Variants in PLCH1 observed in about 807,000 individuals in gnomAD.
PLCH1 encodes the protein phospholipase C eta 1.
Under a neutral mutation model 126.7 loss-of-function variants are expected in PLCH1, and 60 were observed. The ratio of observed to expected loss-of-function variants is 0.47; its 90% CI spans 0.38 to 0.59. The LOEUF (loss-of-function observed/expected upper bound fraction) is 0.59, where lower values mean the gene tolerates loss of function less well. Ranked by LOEUF, PLCH1 falls within the 20% of genes least tolerant of loss-of-function variation. The probability of loss-of-function intolerance (pLI) is 0.00; values close to 1 mark genes in which losing one functional copy is unlikely to be tolerated. For missense variants in PLCH1, 1,723 were observed against 2,040.0 expected (o/e 0.84, Z 2.99); for synonymous variants, 719 against 734.9 (o/e 0.98, Z 0.35).
At position 155,564,987 on chromosome 3, in the gene PLCH1, C is replaced by G. The variant is rs762013327; in HGVS notation, c.997G>C (p.Asp333His). Residue 333 changes from aspartate (D) to histidine (H), a missense_variant, in exon 8 of 23, where the codon GAC (aspartate) becomes CAC (histidine). By Grantham distance (81) the Asp-to-His change is moderately conservative. Coordinates refer to ENST00000460012, the MANE Select transcript of PLCH1 (RefSeq NM_014996.4). ...ASSHNTYLTG[D>H]QLLSQSKVDM... ...ACTTTGGACTGAGAAAGGAGCTGGT[C>G]TCCAGTCAGGTATGTATTGTGAGAG... 6 of 1,613,898 alleles carry G rather than the reference C, an allele frequency of 3.7e-6. No individual in the cohort carries two copies. Among genetic ancestry groups the G allele is most frequent in the Non-Finnish European group, 5.1e-6 (6 of 1,179,802 alleles).
At position 155,481,545 on chromosome 3, in the gene PLCH1, T is replaced by A; in HGVS notation, c.4481A>T (p.Asp1494Val). Residue 1494 changes from aspartate to valine, a missense_variant, in exon 23 of 23, where the codon GAC becomes GTC. Around this residue, in one of 2 missense-constraint regions of PLCH1, gnomAD observed 947 missense variants for 977.1 expected, o/e 0.97. Transcript: ENST00000460012. This position sits in a 1 kb window ranked among gnomAD's most constrained non-coding sequence, Gnocchi z 4.2. ...CTTGCTCTCAAAATTGCAGGCAATGTCCTCTGATGTTAAGTCCCCCAGACT... is the reference window on the plus strand; with the variant it reads ...CTTGCTCTCAAAATTGCAGGCAATGACCTCTGATGTTAAGTCCCCCAGACT... ...SKSLGDLTSE[D>V]IACNFESKYQ... is the part of the protein sequence containing the mutation. 6.2e-7 allele frequency: 1 copy of A among 1,614,178 alleles called. No homozygotes were observed. The highest frequency in any genetic ancestry group is 8.5e-7 in the Non-Finnish European group (1 of 1,180,028).
chr3:155,580,539 T>C (rs1730534637), intron 6 of PLCH1, among the ~76,000 whole-genome samples: 1 of 152,124 alleles, frequency 6.6e-6, no homozygotes. Flanking sequence ...AAGAGTAACA[T>C]AATTTTCCAG....
At chr3:155,636,063 C>T (rs1306096528) in intron 2 of PLCH1, among the ~76,000 whole-genome samples, 4 of 152,128 alleles carry the variant, frequency 2.6e-5, no homozygotes, top group Non-Finnish European at 5.9e-5. Context: ...ATCATTTCAT[C>T]GTATCTTTTT....
chr3:155,580,809 G>A (rs1008662782), intron 6 of PLCH1, among the ~76,000 whole-genome samples: 2 of 151,922 alleles, frequency 1.3e-5, no homozygotes, highest in Non-Finnish European at 2.9e-5. Context: ...TCCAGCAAAC[G>A]TTAAAAAGCA....
downstream of PLCH1, among the ~76,000 whole-genome samples, chr3:155,476,115 A>G (rs902160902): frequency 6.6e-6 from 1 of 152,176 alleles, no homozygotes; most frequent in Non-Finnish European, 1.5e-5. Flanking sequence ...ATTCATTATG[A>G]CTAAGTGGGA....
chr3:155,743,391 G>A, intron 1 of PLCH1: 1 of 383,060 alleles, frequency 2.6e-6, no homozygotes, highest in South Asian at 2.0e-5. Context: ...AAATAGCTGG[G>A]CGTGGTGGCG....
At chr3:155,669,450 C>T (rs938407184) in intron 2 of PLCH1, among the ~76,000 whole-genome samples, 1 of 152,046 alleles carries the variant, frequency 6.6e-6, no homozygotes, top group Non-Finnish European at 1.5e-5. Flanking sequence ...TGGTGGCATG[C>T]ACCTGTAGTC....
At chr3:155,733,149 A>T (rs1477423260) in intron 1 of PLCH1, among the ~76,000 whole-genome samples, 1 of 152,198 alleles carries the variant, frequency 6.6e-6, no homozygotes, top group Non-Finnish European at 1.5e-5. Context: ...AAAGCAATCT[A>T]CATATTCAAT....
intron 2 of PLCH1, among the ~76,000 whole-genome samples, chr3:155,605,097 T>C (rs979577760): frequency 6.6e-6 from 1 of 152,238 alleles, no homozygotes; most frequent in Non-Finnish European, 1.5e-5. Flanking sequence ...AAAAACTGAA[T>C]GAGGTTTCCC....
intron 4 of PLCH1, among the ~76,000 whole-genome samples, chr3:155,591,200 G>C (rs999179292): frequency 2.6e-5 from 4 of 152,180 alleles, no homozygotes; most frequent in African/African-American, 9.7e-5. Flanking sequence ...ACTGGATGAG[G>C]CTAGAAGCTT....
chr3:155,482,352 C>T lies in PLCH1; in HGVS notation c.3674G>A (p.Gly1225Asp), dbSNP rs200047013. The stretch of plus-strand genomic sequence containing the variant: ...ACCATGCTTGATGGGCATTTTTAGG[C>T]CCAGGCTAGGCAAGGGACAATGGCC... ...MSGHCPLPSL[G>D]LKMPIKHGFC... is the part of the protein sequence containing the mutation. Residue 1225 changes from glycine (G) to aspartate (D), a missense_variant, in exon 23 of 23, where the codon GGC becomes GAC. Physicochemically the swap from Gly to Asp is moderately conservative, Grantham distance 94. This residue lies in a region of PLCH1 where 947 missense variants were observed against 977.1 expected (regional missense o/e 0.97). Coordinates refer to ENST00000460012, the MANE Select transcript of PLCH1 (RefSeq NM_014996.4). 14 of 1,613,950 alleles carry T rather than the reference C, an allele frequency of 8.7e-6. No homozygotes were observed. Among genetic ancestry groups the T allele is most frequent in the African/African-American group, 1.3e-5 (1 of 74,880 alleles).
intron 21 of PLCH1, among the ~76,000 whole-genome samples, chr3:155,452,023 C>T (rs186516934): frequency 6.6e-6 from 1 of 152,162 alleles, no homozygotes; most frequent in Non-Finnish European, 1.5e-5. Context: ...CTCTCTCACA[C>T]ACACATACAT....
chr3:155,730,293 TTC>T (rs1553765502), intron 1 of PLCH1, among the ~76,000 whole-genome samples: 1 of 152,046 alleles, frequency 6.6e-6, no homozygotes, highest in African/African-American at 2.4e-5. Context: ...TTTTTTTTTT[TTC>T]TTTTTTGAGA....
chr3:155,475,435 C>A (rs1713497671), downstream of PLCH1, among the ~76,000 whole-genome samples: 1 of 151,544 alleles, frequency 6.6e-6, no homozygotes, highest in Non-Finnish European at 1.5e-5. Context: ...GGAAACCAAA[C>A]CCAAAATTAG....
At chr3:155,471,257 A>C (rs993594762) in intron 21 of PLCH1, among the ~76,000 whole-genome samples, 21 of 152,290 alleles carry the variant, frequency 1.4e-4, no homozygotes, top group Non-Finnish European at 2.1e-4. Context: ...GGAAAACAAA[A>C]AAAGGCAGGG....
chr3:155,605,513 AT>A (rs34899566), intron 2 of PLCH1, among the ~76,000 whole-genome samples: 2 of 152,212 alleles, frequency 1.3e-5, no homozygotes, highest in South Asian at 2.1e-4. Flanking sequence ...ATTCTCAATA[AT>A]TTTTTAAAGG....
rs751051619 is a variant in PLCH1, at chr3:155,481,351, C to T, written c.4675G>A (p.Ala1559Thr). Residue 1559 changes from alanine to threonine, a missense_variant, in exon 23 of 23, where the codon GCC (alanine) becomes ACC (threonine). Coordinates refer to ENST00000460012, the MANE Select transcript of PLCH1 (RefSeq NM_014996.4). The surrounding 1 kb of genome is among the most constrained non-coding windows in gnomAD (Gnocchi z 4.2). ...ACCAGTGCCCGGGGGAGCTGATTGG[C>T]ATCCTGCTTTGAATATAGCACTTGG... ...NCQVLYSKQD[A>T]NQLPRALVRK... The T allele has an allele frequency of 1.9e-6, 3 of 1,614,220 alleles. No homozygotes were observed. Among genetic ancestry groups the T allele is most frequent in the Admixed American group, 3.3e-5 (2 of 60,030 alleles).
At chr3:155,695,518 T>G (rs1257040819) in intron 2 of PLCH1, among the ~76,000 whole-genome samples, 1 of 152,234 alleles carries the variant, frequency 6.6e-6, no homozygotes, top group African/African-American at 2.4e-5. Context: ...TCTCCCCTAT[T>G]AAATAAAATA....
chr3:155,733,026 A>C (rs932617740), intron 1 of PLCH1, among the ~76,000 whole-genome samples: 8 of 152,194 alleles, frequency 5.3e-5, no homozygotes, highest in Non-Finnish European at 8.8e-5. Context: ...AAAAACTTGC[A>C]TACTGAAAAC....
Sources: gnomAD v4.1 joint callset for allele counts (sites outside exome capture counted in the v4.1 genomes callset) on GRCh38, gnomAD v4.1.1 for gene constraint, gnomAD v4.1.1 regional missense constraint, Gnocchi (gnomAD v3.1) non-coding constraint, MANE v1.5 for transcripts, NCBI Gene and HGNC (gene_info 2026-07-23, HGNC 2026-07-21) for gene names.